The following SBF2 variants were observed in gnomAD, a reference collection of about 807,000 sequenced individuals.
The protein encoded by SBF2 is myotubularin-related protein 13.
In SBF2, 112 loss-of-function variants were observed where a neutral mutation model predicts 225.2. The ratio of observed to expected loss-of-function variants is 0.50; its 90% CI spans 0.43 to 0.58. The LOEUF (loss-of-function observed/expected upper bound fraction) is 0.58. Ranked by LOEUF, SBF2 falls within the 20% of genes least tolerant of loss-of-function variation. The pLI is 0.00. For missense variants in SBF2, 1,996 were observed against 2,206.2 expected (o/e 0.90, Z 1.91); for synonymous variants, 763 against 773.3 (o/e 0.99, Z 0.22).
At chr11:9,908,372 T>C (rs1862275283) in intron 16 of SBF2, among the ~76,000 whole-genome samples, 1 of 152,180 alleles carries the variant, frequency 6.6e-6, no homozygotes, top group African/African-American at 2.4e-5. Flanking sequence ...ACGCCTGTAA[T>C]CCCAGCACTT....
intron 16 of SBF2, among the ~76,000 whole-genome samples, chr11:9,948,471 ATTCTT>A (rs1352675988): frequency 6.6e-6 from 1 of 152,204 alleles, no homozygotes; most frequent in African/African-American, 2.4e-5. Flanking sequence ...GAGTTCATTG[ATTCTT>A]TAAGTACTTC....
chr11:10,239,755 C>G (rs1236622641), intron 1 of SBF2, among the ~76,000 whole-genome samples: 5,315 of 150,584 alleles, frequency 0.035, 205 homozygotes, highest in South Asian at 0.079. Flanking sequence ...ACGCAAAATG[C>G]ACTATATAAA....
At chr11:10,231,143 C>A (rs934700782) in intron 1 of SBF2, among the ~76,000 whole-genome samples, 1 of 152,148 alleles carries the variant, frequency 6.6e-6, no homozygotes, top group Non-Finnish European at 1.5e-5. Flanking sequence ...ATTCTCATGC[C>A]GTGGATTTCA....
At chr11:10,047,596 T>C (rs1364134438) in intron 2 of SBF2, among the ~76,000 whole-genome samples, 1 of 152,130 alleles carries the variant, frequency 6.6e-6, no homozygotes, top group Non-Finnish European at 1.5e-5. Flanking sequence ...TCTATCCCCA[T>C]CTCTTTGACA....
chr11:9,789,332 G>A lies in SBF2; in HGVS notation c.4709C>T (p.Pro1570Leu), dbSNP rs1242394696. The change falls in exon 35 of 40, where the codon CCC (proline) becomes CTC (leucine). Residue 1570 changes from proline to leucine, a missense_variant. By Grantham distance (98) the Pro-to-Leu change is moderately conservative. Coordinates refer to ENST00000256190, the MANE Select transcript of SBF2 (RefSeq NM_030962.4). ...YSPLEIEALK[P>L]NVNVSSLKKW... is the part of the protein sequence containing the mutation. ...CTTGAGGCTAGAGACGTTTACATTG[G>A]GCTTTAGAGCCTGTTAAAGAAAACA... 6.2e-7 allele frequency: 1 copy of A among 1,613,370 alleles called. No individual in the cohort carries two copies. Among genetic ancestry groups the A allele is most frequent in the South Asian group, 1.1e-5 (1 of 91,058 alleles).
intron 16 of SBF2, among the ~76,000 whole-genome samples, chr11:9,925,428 C>G (rs556502814): frequency 6.6e-6 from 1 of 152,210 alleles, no homozygotes; most frequent in East Asian, 1.9e-4. Context: ...CAGGCATGCG[C>G]CACCACGCCC....
At chr11:9,858,519 T>C in intron 17 of SBF2, 123 bp from the exon 18 acceptor site, 1 of 1,000,726 alleles carries the variant, frequency 1.0e-6, no homozygotes, top group Non-Finnish European at 1.5e-6. Context: ...TATCGTATGG[T>C]AGTACAGGCT....
intron 1 of SBF2, among the ~76,000 whole-genome samples, chr11:10,216,882 T>A (rs1230242776): frequency 2.5e-4 from 34 of 135,210 alleles, no homozygotes; most frequent in African/African-American, 9.3e-4. Flanking sequence ...AATAGTAATT[T>A]TTAAAAAAAA....
chr11:10,262,461 A>G (rs1961540318), intron 1 of SBF2, among the ~76,000 whole-genome samples: 1 of 152,144 alleles, frequency 6.6e-6, no homozygotes, highest in Non-Finnish European at 1.5e-5. Flanking sequence ...CAGCCTTCTG[A>G]ACCTAGTCTT....
Position 10,004,022 on chromosome 11 carries a change from C to A in SBF2, c.620-1333G>T, listed in dbSNP as rs561456502. ...AATTTCCTTAGTCTATTATTAATTG[C>A]TATTCCCTCTTATCACTTCCAACTT... On this transcript the variant is annotated intron_variant, in intron 6 of 39. Transcript: ENST00000256190. Among the ~76,000 whole-genome samples the A allele has an allele frequency of 2.0e-5, 3 of 152,184 alleles. No homozygotes were observed. The South Asian group carries it at 6.2e-4, about 32-fold the overall frequency.
intron 32 of SBF2, among the ~76,000 whole-genome samples, chr11:9,804,114 A>G (rs1383034082): frequency 6.6e-6 from 1 of 152,262 alleles, no homozygotes; most frequent in East Asian, 1.9e-4. Flanking sequence ...AGAGCAACAG[A>G]TCGGAGGTTT....
intron 1 of SBF2, among the ~76,000 whole-genome samples, chr11:10,241,934 C>A (rs1412797385): frequency 2.0e-5 from 3 of 151,914 alleles, no homozygotes; most frequent in African/African-American, 7.3e-5. Flanking sequence ...TGCCACAAAT[C>A]CTAGCACCAG....
At chr11:10,202,185 A>C (rs1469322184) in intron 1 of SBF2, among the ~76,000 whole-genome samples, 1 of 152,232 alleles carries the variant, frequency 6.6e-6, no homozygotes, top group African/African-American at 2.4e-5. Flanking sequence ...GAATGCTGTG[A>C]AAACTATATG....
At chr11:9,843,988 C>T (rs931576017) in intron 24 of SBF2, 4 of 152,162 alleles carry the variant, frequency 2.6e-5, no homozygotes, top group African/African-American at 9.7e-5. Flanking sequence ...TGCTACATCT[C>T]TGTTGCAGCT....
chr11:10,102,402 C>T (rs1012257196), intron 2 of SBF2, among the ~76,000 whole-genome samples: 4 of 152,158 alleles, frequency 2.6e-5, no homozygotes, highest in African/African-American at 9.7e-5. Context: ...GAGTTAAACA[C>T]TGTAACATGT....
chr11:10,064,043 T>C (rs1209171769), intron 2 of SBF2, among the ~76,000 whole-genome samples: 1 of 152,106 alleles, frequency 6.6e-6, no homozygotes, highest in Non-Finnish European at 1.5e-5. Flanking sequence ...GAATACCAGA[T>C]GGAGTAACTA....
At chr11:10,299,867 A>G (rs1032459517) in intron 1 of SBF2, among the ~76,000 whole-genome samples, 1 of 152,236 alleles carries the variant, frequency 6.6e-6, no homozygotes, top group South Asian at 2.1e-4. Flanking sequence ...ATATCAGATC[A>G]TGTCTCTCCT....
At chr11:10,047,194 G>T (rs1445434773) in intron 2 of SBF2, among the ~76,000 whole-genome samples, 2 of 152,122 alleles carry the variant, frequency 1.3e-5, no homozygotes, top group Non-Finnish European at 2.9e-5. Context: ...ATGTCAGTTT[G>T]TCCCACTTTG....
chr11:10,181,926 T>C (rs192271155), intron 2 of SBF2, among the ~76,000 whole-genome samples: 43 of 152,292 alleles, frequency 2.8e-4, no homozygotes, highest in African/African-American at 7.2e-4. Context: ...TTTGTCACCT[T>C]AGTAACTCTC....
Sources: allele counts gnomAD v4.1 joint callset (sites outside exome capture counted in the v4.1 genomes callset), GRCh38; gene constraint gnomAD v4.1.1; transcripts MANE v1.5; gene names NCBI Gene and HGNC (gene_info 2026-07-23, HGNC 2026-07-21).